The following NAV2 variants were observed in gnomAD, a reference collection of about 807,000 sequenced individuals.
NAV2 encodes the protein helicase, APC down-regulated 1.
A neutral mutation model predicts 223.2 loss-of-function variants in NAV2; 54 were observed. That is an observed-to-expected ratio of 0.24 (90% CI 0.19 to 0.30). NAV2 has a LOEUF of 0.30. Among genes scored for constraint, NAV2 ranks in the 10% least tolerant of loss-of-function variants. The pLI is 1.00. For synonymous variants in NAV2, 1,279 were observed against 1,239.3 expected, an observed-to-expected ratio of 1.03 and a Z score of -0.67; for missense variants, 2,806 against 3,147.5, an observed-to-expected ratio of 0.89 and a Z score of 2.60.
chr11:19,444,039 A>G (rs1851497388), intron 1 of NAV2, among the ~76,000 whole-genome samples: 1 of 152,020 alleles, frequency 6.6e-6, no homozygotes, highest in Non-Finnish European at 1.5e-5. Flanking sequence ...GGTTCAAGTG[A>G]TTCTCCTGCC....
intron 4 of NAV2, among the ~76,000 whole-genome samples, chr11:19,869,233 G>A (rs1590977912): frequency 6.6e-6 from 1 of 152,170 alleles, no homozygotes; most frequent in East Asian, 1.9e-4. Context: ...TAGTGAAGGG[G>A]AAGCTGTCCT....
intron 3 of NAV2, among the ~76,000 whole-genome samples, chr11:19,860,901 C>A (rs531984591): frequency 6.6e-6 from 1 of 152,010 alleles, no homozygotes; most frequent in Admixed American, 6.5e-5. Context: ...CGTGGCGGCG[C>A]GCGCCTGCAA....
intron 1 of NAV2, among the ~76,000 whole-genome samples, chr11:19,660,321 C>A (rs1447584370): frequency 6.6e-6 from 1 of 152,182 alleles, no homozygotes; most frequent in African/African-American, 2.4e-5. Flanking sequence ...GATCTGGGAG[C>A]TCTTCACCTG....
intron 36 of NAV2, among the ~76,000 whole-genome samples, chr11:20,110,375 TG>T (rs770718876): frequency 5.9e-5 from 9 of 152,196 alleles, no homozygotes; most frequent in Non-Finnish European, 1.2e-4. Flanking sequence ...TTCATGCCTC[TG>T]GTTTTGAAGG....
intron 1 of NAV2, among the ~76,000 whole-genome samples, chr11:19,617,757 T>TTC (rs2046842998): frequency 6.6e-6 from 1 of 152,172 alleles, no homozygotes; most frequent in South Asian, 2.1e-4. Flanking sequence ...ACTTTTCACC[T>TTC]TCTCCTACCC....
At chr11:19,361,668 G>A (rs1195026876) in intron 1 of NAV2, among the ~76,000 whole-genome samples, 1 of 152,158 alleles carries the variant, frequency 6.6e-6, no homozygotes, top group Non-Finnish European at 1.5e-5. Context: ...TGTGGGATGT[G>A]TGAGCTCTCT....
intron 1 of NAV2, among the ~76,000 whole-genome samples, chr11:19,578,846 C>T (rs1485812028): frequency 1.3e-5 from 2 of 152,100 alleles, no homozygotes; most frequent in Non-Finnish European, 2.9e-5. Context: ...CTCTGGCTCT[C>T]GACAGGAAAG....
At chr11:20,046,963 C>T (rs1328767556) in intron 14 of NAV2, among the ~76,000 whole-genome samples, 2 of 152,116 alleles carry the variant, frequency 1.3e-5, no homozygotes, top group African/African-American at 2.4e-5. Flanking sequence ...TGGGGATGAA[C>T]AGGAATGTTT....
At chr11:19,691,332 A>G (rs549149320) in intron 1 of NAV2, among the ~76,000 whole-genome samples, 1 of 152,186 alleles carries the variant, frequency 6.6e-6, no homozygotes, top group South Asian at 2.1e-4. Context: ...TTCCCATTTC[A>G]ACCTATAATG....
At chr11:19,687,134 G>A (rs900450347) in intron 1 of NAV2, among the ~76,000 whole-genome samples, 1 of 152,200 alleles carries the variant, frequency 6.6e-6, no homozygotes, top group Non-Finnish European at 1.5e-5. Context: ...CAGAAGGTCA[G>A]TATGAGATCT....
rs143974092 is a variant in NAV2, at chr11:19,748,551, A to G, written c.267+34589A>G. Among the ~76,000 whole-genome samples the G allele has an allele frequency of 6.5e-3, 991 of 152,348 alleles. 11 individuals carry two copies. Among genetic ancestry groups the G allele is most frequent in the African/African-American group, 0.022 (927 of 41,586 alleles). Reference sequence around the variant, plus strand: ...CACAAACTCCTCAGGGACAAGGGCCAGGCTTGTCTTGTTCTCCACCTAATC... The same window carrying G: ...CACAAACTCCTCAGGGACAAGGGCCGGGCTTGTCTTGTTCTCCACCTAATC... On this transcript the variant is annotated intron_variant, in intron 1 of 37. Transcript: ENST00000349880.
chr11:19,607,797 C>T (rs2046522835), intron 1 of NAV2, among the ~76,000 whole-genome samples: 1 of 151,392 alleles, frequency 6.6e-6, no homozygotes, highest in South Asian at 2.1e-4. Flanking sequence ...TAAAGGGAAC[C>T]AAGAAGAAAA....
intron 11 of NAV2, among the ~76,000 whole-genome samples, chr11:19,987,132 A>T (rs1359082361): frequency 2.6e-5 from 4 of 152,232 alleles, no homozygotes; most frequent in Non-Finnish European, 5.9e-5. Context: ...GAGACAATTT[A>T]ATGTGAAATA....
intron 6 of NAV2, among the ~76,000 whole-genome samples, chr11:19,913,864 G>C (rs1283734755): frequency 6.6e-6 from 1 of 152,062 alleles, no homozygotes; most frequent in Admixed American, 6.5e-5. Flanking sequence ...CTCCTATAGG[G>C]ACCGCATAGT....
At chr11:19,386,557 C>T (rs1200545224) in intron 1 of NAV2, among the ~76,000 whole-genome samples, 1 of 152,092 alleles carries the variant, frequency 6.6e-6, no homozygotes, top group Non-Finnish European at 1.5e-5. Context: ...AGTGGGGAGC[C>T]TATATTATCA....
chr11:20,027,457 A>C lies in NAV2; in HGVS notation c.2769-8502A>C, dbSNP rs529240086. The stretch of plus-strand genomic sequence containing the variant: ...GCCTTGATTCTGGAGCAGAACTGGA[A>C]AATTGAGCAGGTAAGTCCTGGATGC... On this transcript the variant is annotated intron_variant, in intron 11 of 37. Transcript: ENST00000349880. The C allele has an allele frequency of 1.2e-5, 12 of 985,480 alleles. No individual in the cohort carries two copies. In the Admixed American group the frequency reaches 3.1e-4, roughly 25 times the overall value. 61.0% of individuals were successfully genotyped at this position (985,480 alleles called of 1,614,324 possible).
chr11:20,058,768 A>C (rs571353323), intron 19 of NAV2, among the ~76,000 whole-genome samples: 1 of 152,344 alleles, frequency 6.6e-6, no homozygotes, highest in Admixed American at 6.5e-5. Flanking sequence ...ATTCACTGAA[A>C]TGTGAAAAAT....
chr11:19,928,200 C>T (rs1187854094), intron 6 of NAV2, among the ~76,000 whole-genome samples: 1 of 119,508 alleles, frequency 8.4e-6, no homozygotes, highest in Non-Finnish European at 1.8e-5. Context: ...AATCTGTGAG[C>T]CACTTGTGTT....
At chr11:19,848,943 GAT>G (rs1479427999) in intron 3 of NAV2, among the ~76,000 whole-genome samples, 8 of 152,154 alleles carry the variant, frequency 5.3e-5, no homozygotes, top group African/African-American at 1.9e-4. Context: ...AGTGGCCCTG[GAT>G]AATCCACTTG....
Sources: gnomAD v4.1 joint callset for allele counts (sites outside exome capture counted in the v4.1 genomes callset) on GRCh38, gnomAD v4.1.1 for gene constraint, MANE v1.5 for transcripts, NCBI Gene and HGNC (gene_info 2026-07-23, HGNC 2026-07-21) for gene names.